CDIP1: variants seen among roughly 807,000 people sequenced by gnomAD.
CDIP1 encodes the protein cell death inducing p53 target 1.
In CDIP1, 9 loss-of-function variants were observed where a neutral mutation model predicts 17.7. That is an observed-to-expected ratio of 0.51 (90% CI 0.31 to 0.89). The LOEUF (loss-of-function observed/expected upper bound fraction) is 0.89. CDIP1 is among the 40% of genes least tolerant of loss of function. CDIP1 has a pLI of 0.05. For missense variants in CDIP1, 263 were observed against 277.9 expected (o/e 0.95, Z 0.38); for synonymous variants, 117 against 109.5 (o/e 1.07, Z -0.43).
At chr16:4,533,232 G>A (rs1002252273) in intron 1 of CDIP1, 1 of 152,296 alleles carries the variant, frequency 6.6e-6, no homozygotes, top group Non-Finnish European at 1.5e-5. Context: ...CCTGCAGGGA[G>A]GTGGCCAGGG....
In CDIP1 at chr16:4,513,542, G is replaced by A. The variant is rs768642321; in HGVS notation, c.241+154C>T. Among the ~76,000 whole-genome samples, 1 of 152,200 alleles carries A rather than the reference G, an allele frequency of 6.6e-6. No individual in the cohort carries two copies. The highest frequency in any genetic ancestry group is 1.5e-5 in the Non-Finnish European group (1 of 68,032). ...CCACCTTCCCACGTCCACAGTCCCT[G>A]TCCACACACAGCCTGAGCCCTAGGC... On this transcript the variant is annotated intron_variant, in intron 4 of 5. Transcript: ENST00000567695. The surrounding 1 kb of genome is among the most constrained non-coding windows in gnomAD (Gnocchi z 4.1).
At chr16:4,520,413 A>G (rs1001905042) in intron 1 of CDIP1, among the ~76,000 whole-genome samples, 1 of 152,162 alleles carries the variant, frequency 6.6e-6, no homozygotes, top group Non-Finnish European at 1.5e-5. Context: ...GACAAGTGGT[A>G]GTTTCTTAAG....
chr16:4,521,775 C>T (rs2058952124), intron 1 of CDIP1, among the ~76,000 whole-genome samples: 1 of 151,814 alleles, frequency 6.6e-6, no homozygotes, highest in Admixed American at 6.6e-5. Context: ...CCCCCAAGAC[C>T]CACCACTTTC....
At chr16:4,525,860 C>T (rs531282951) in intron 1 of CDIP1, among the ~76,000 whole-genome samples, 165 of 152,304 alleles carry the variant, frequency 1.1e-3, no homozygotes, top group African/African-American at 3.9e-3. Context: ...GCCCATTTCC[C>T]ATTGTCCTGA....
chr16:4,520,501 T>G (rs955071003), intron 1 of CDIP1, among the ~76,000 whole-genome samples: 1 of 152,202 alleles, frequency 6.6e-6, no homozygotes, highest in Non-Finnish European at 1.5e-5. Flanking sequence ...TTGGTGTACC[T>G]TGCATTTGGA....
chr16:4,512,080 C>T lies in CDIP1; in HGVS notation c.*492G>A, dbSNP rs2058835776. 2 of 163,904 alleles carry T rather than the reference C, an allele frequency of 1.2e-5. No individual in the cohort carries two copies. The highest frequency in any genetic ancestry group is 5.7e-5 in the Admixed American group (1 of 17,474). The allele number at this position is 163,904 out of a possible 1,614,324, so 10.2% of individuals were successfully genotyped here. A position where few individuals can be genotyped will look rare whatever the true frequency, so the allele number is the denominator to read the frequency against. ...AGGCGCAAAGTACCCAGAAACAAAC[C>T]CAGGCTTTGTGACCCTGTCCTACGT... On this transcript the variant is annotated 3_prime_UTR_variant, in exon 6 of 6. Transcript: ENST00000567695. This position sits in a 1 kb window ranked among gnomAD's most constrained non-coding sequence, Gnocchi z 4.6.
intron 1 of CDIP1, chr16:4,522,480 G>A (rs902492771): frequency 6.6e-6 from 1 of 152,302 alleles, no homozygotes; most frequent in Non-Finnish European, 1.5e-5. Flanking sequence ...GTCCCCAGGA[G>A]GCAGGTCCCA....
intron 1 of CDIP1, among the ~76,000 whole-genome samples, chr16:4,537,726 A>G (rs1295478800): frequency 6.6e-6 from 1 of 152,170 alleles, no homozygotes. Flanking sequence ...CCCGTTTCCC[A>G]AGAGCCCCAG....
intron 1 of CDIP1, among the ~76,000 whole-genome samples, chr16:4,518,829 A>C (rs758624937): frequency 3.3e-5 from 5 of 152,242 alleles, no homozygotes; most frequent in African/African-American, 4.8e-5. Flanking sequence ...GTTCAAATTA[A>C]GCTACAAAAT....
chr16:4,513,906 C>T lies in CDIP1; in HGVS notation c.86-55G>A. ...TGAGCTGGAGCCTCTGCACGATGAG[C>T]TCGACCAGAGGCCACTGTTTTGGGA... On this transcript the variant is annotated intron_variant, in intron 3 of 5. Transcript: ENST00000567695. The surrounding 1 kb of genome is among the most constrained non-coding windows in gnomAD (Gnocchi z 4.1). The T allele has an allele frequency of 6.7e-7, 1 of 1,490,618 alleles. No individual in the cohort carries two copies. Among genetic ancestry groups the T allele is most frequent in the Non-Finnish European group, 9.0e-7 (1 of 1,110,768 alleles). 92.3% of individuals were successfully genotyped at this position (1,490,618 alleles called of 1,614,324 possible).
At chr16:4,527,232 C>T (rs377355657) in intron 1 of CDIP1, among the ~76,000 whole-genome samples, 12 of 152,062 alleles carry the variant, frequency 7.9e-5, no homozygotes, top group African/African-American at 2.4e-4. Context: ...GGACTACAGG[C>T]GCCCGCCAAC....
At chr16:4,538,045 C>G (rs900150103) in intron 1 of CDIP1, among the ~76,000 whole-genome samples, 1 of 152,194 alleles carries the variant, frequency 6.6e-6, no homozygotes, top group African/African-American at 2.4e-5. Flanking sequence ...GGCTCCTCCT[C>G]GACCCCCTTT....
intron 1 of CDIP1, chr16:4,522,522 T>C (rs1159173507): frequency 6.6e-6 from 1 of 152,262 alleles, no homozygotes; most frequent in Non-Finnish European, 1.5e-5. Context: ...CTTTCTGCTT[T>C]GCTGGGAAAA....
chr16:4,527,199 T>C (rs1430945169), intron 1 of CDIP1, among the ~76,000 whole-genome samples: 2 of 151,648 alleles, frequency 1.3e-5, no homozygotes, highest in African/African-American at 2.4e-5. Context: ...ACCATTCTCC[T>C]GCCTCAGCCT....
chr16:4,519,679 C>G lies in CDIP1; in HGVS notation c.-104-5015G>C, dbSNP rs189465625. ...TTTGGGACATGGGAGGTGGATTCCTCATGAATAGATAAATGCCCTCCCTGG... is the reference window on the plus strand; with the variant it reads ...TTTGGGACATGGGAGGTGGATTCCTGATGAATAGATAAATGCCCTCCCTGG... On this transcript the variant is annotated intron_variant, in intron 1 of 5. Transcript: ENST00000567695. 2.6e-5 allele frequency among the ~76,000 whole-genome samples: 4 copies of G among 152,264 alleles called. No homozygotes were observed. In the East Asian group the frequency reaches 7.7e-4, roughly 29 times the overall value.
chr16:4,523,625 T>A (rs982794284), intron 1 of CDIP1, among the ~76,000 whole-genome samples: 2 of 152,052 alleles, frequency 1.3e-5, no homozygotes, highest in East Asian at 3.8e-4. Context: ...CACAATTACA[T>A]CTGTGACCAG....
In CDIP1 at chr16:4,517,509, G is replaced by A. The variant is rs146358853; in HGVS notation, c.-104-2845C>T. On this transcript the variant is annotated intron_variant, in intron 1 of 5. Transcript: ENST00000567695. ...AATCTCAGCACTTTGGGAGACTGAA[G>A]CTGGCAGATGAACTGAGGCCAGGGG... is the stretch of plus-strand genomic sequence containing the variant. Among the ~76,000 whole-genome samples the A allele has an allele frequency of 3.1e-3, 474 of 152,304 alleles. 4 individuals carry two copies. The highest frequency in any genetic ancestry group is 0.011 in the African/African-American group (447 of 41,562).
intron 1 of CDIP1, among the ~76,000 whole-genome samples, chr16:4,521,101 TG>T (rs2058942214): frequency 3.3e-5 from 5 of 152,200 alleles, no homozygotes; most frequent in South Asian, 4.1e-4. Context: ...TGTGTGTGTG[TG>T]TGTGTGTACT....
chr16:4,512,592 T>G lies in CDIP1; in HGVS notation c.607A>C (p.Thr203Pro). Residue 203 changes from threonine (T) to proline (P), a missense_variant, in exon 6 of 6, where the codon ACG (threonine) becomes CCG (proline). Transcript: ENST00000567695. This position sits in a 1 kb window ranked among gnomAD's most constrained non-coding sequence, Gnocchi z 4.6. The part of the protein sequence containing the change: ...TCPSCKAYIY[T>P]YKRLC ...CTCCGTTAGCACAGGCGCTTGTACGTGTAGATGTAGGCTTTGCAGCTGGGG... is the reference window on the plus strand; with the variant it reads ...CTCCGTTAGCACAGGCGCTTGTACGGGTAGATGTAGGCTTTGCAGCTGGGG... 1 of 1,613,342 alleles carries G rather than the reference T, an allele frequency of 6.2e-7. No individual in the cohort carries two copies. The highest frequency in any genetic ancestry group is 1.3e-5 in the African/African-American group (1 of 74,952).
Sources: allele counts gnomAD v4.1 joint callset (sites outside exome capture counted in the v4.1 genomes callset), GRCh38; gene constraint gnomAD v4.1.1; non-coding constraint Gnocchi (gnomAD v3.1); transcripts MANE v1.5; gene names NCBI Gene and HGNC (gene_info 2026-07-23, HGNC 2026-07-21).